ATP10B: variants seen among roughly 807,000 people sequenced by gnomAD.
ATP10B encodes phospholipid-transporting ATPase VB.
Under a neutral mutation model 141.2 loss-of-function variants are expected in ATP10B, and 122 were observed. That is an observed-to-expected ratio of 0.86 (90% confidence interval 0.75 to 1.00). The LOEUF (loss-of-function observed/expected upper bound fraction) is 1.00, where lower values mean the gene tolerates loss of function less well. ATP10B is among the 50% of genes least tolerant of loss of function. ATP10B has a pLI of 0.00. For missense variants in ATP10B, 1,876 were observed against 1,825.3 expected (o/e 1.03, Z -0.51); for synonymous variants, 685 against 692.0 (o/e 0.99, Z 0.16).
chr5:160,634,643 G>A (rs1759220551), intron 11 of ATP10B, 37 bp from the exon 12 acceptor site: 2 of 1,561,010 alleles, frequency 1.3e-6, no homozygotes, highest in Non-Finnish European at 1.7e-6. Flanking sequence ...CAGAAACCAG[G>A]CAGGTTCCCT....
the ATP10B span, among the ~76,000 whole-genome samples, chr5:160,908,288 T>C: frequency 6.6e-6 from 1 of 152,202 alleles, no homozygotes; most frequent in South Asian, 2.1e-4. Flanking sequence ...TTTGTTTTCC[T>C]GCTTTGGATT....
At chr5:160,856,258 G>A (rs750357019), upstream of ATP10B, among the ~76,000 whole-genome samples, 4 of 151,678 alleles carry the variant, frequency 2.6e-5, no homozygotes, top group South Asian at 2.1e-4. Context: ...TATCAACATC[G>A]TGTAGTTTTT....
At chr5:160,700,205 T>C (rs1764596448) in intron 3 of ATP10B, among the ~76,000 whole-genome samples, 1 of 152,108 alleles carries the variant, frequency 6.6e-6, no homozygotes, top group African/African-American at 2.4e-5. Context: ...AGGATCTGGG[T>C]TGGGGATTCA....
chr5:160,670,944 A>G (rs932882725), intron 6 of ATP10B, among the ~76,000 whole-genome samples: 6 of 151,996 alleles, frequency 3.9e-5, no homozygotes, highest in Admixed American at 1.3e-4. Context: ...AGGTGGGTGG[A>G]TCATGAGGTC....
intron 2 of ATP10B, among the ~76,000 whole-genome samples, chr5:160,749,137 C>T (rs1469021768): frequency 6.6e-6 from 1 of 152,156 alleles, no homozygotes; most frequent in Non-Finnish European, 1.5e-5. Context: ...CCGGAGAGAA[C>T]ATAAAGTACT....
At chr5:160,571,695 T>G (rs1754885761) in intron 24 of ATP10B, among the ~76,000 whole-genome samples, 1 of 148,146 alleles carries the variant, frequency 6.8e-6, no homozygotes, top group Admixed American at 6.6e-5. Flanking sequence ...TGTGTGTGTG[T>G]GTTTGTATTT....
At chr5:160,755,863 ATATATATATAT>A (rs1768550163) in intron 2 of ATP10B, among the ~76,000 whole-genome samples, 1 of 123,738 alleles carries the variant, frequency 8.1e-6, no homozygotes. Flanking sequence ...ATATATATAT[ATATATATATAT>A]ATATTATAAT....
chr5:160,673,451 A>G (rs1762841922), intron 6 of ATP10B, among the ~76,000 whole-genome samples: 2 of 152,186 alleles, frequency 1.3e-5, no homozygotes, highest in Non-Finnish European at 2.9e-5. Context: ...TTAGTTATTT[A>G]AAAATATATA....
chr5:160,611,146 G>C (rs1024021463), intron 18 of ATP10B, among the ~76,000 whole-genome samples: 9 of 152,186 alleles, frequency 5.9e-5, no homozygotes, highest in Non-Finnish European at 1.3e-4. Context: ...CAAGGGTGTA[G>C]GCATGGCTGA....
upstream of ATP10B, among the ~76,000 whole-genome samples, chr5:160,853,202 A>T (rs1228239525): frequency 6.6e-6 from 1 of 152,220 alleles, no homozygotes; most frequent in Non-Finnish European, 1.5e-5. Context: ...TAGAATTTTT[A>T]AAAGAGCGAG....
chr5:160,653,699 T>C (rs1248030816), intron 7 of ATP10B, among the ~76,000 whole-genome samples: 1 of 119,828 alleles, frequency 8.3e-6, no homozygotes, highest in Middle Eastern at 0.012. Context: ...CATATATACA[T>C]ATACAATATA....
At chr5:160,638,576 A>G (rs1260365862) in intron 10 of ATP10B, among the ~76,000 whole-genome samples, 6 of 152,012 alleles carry the variant, frequency 3.9e-5, no homozygotes, top group Non-Finnish European at 8.8e-5. Context: ...GTGCTATTAG[A>G]CATACCTGGG....
chr5:160,678,277 T>C (rs1330186381), intron 6 of ATP10B, among the ~76,000 whole-genome samples: 2 of 152,198 alleles, frequency 1.3e-5, no homozygotes, highest in Non-Finnish European at 2.9e-5. Flanking sequence ...ATTCCACCCT[T>C]GTATGTGTAG....
intron 3 of ATP10B, among the ~76,000 whole-genome samples, chr5:160,699,743 AGAAAAG>A (rs1168346881): frequency 1.6e-4 from 24 of 152,146 alleles, no homozygotes; most frequent in Non-Finnish European, 1.5e-5. Context: ...AGAATTAAGG[AGAAAAG>A]GAAAAGGGGG....
intron 1 of ATP10B, among the ~76,000 whole-genome samples, chr5:160,790,598 A>G (rs1004181106): frequency 2.0e-5 from 3 of 152,160 alleles, no homozygotes; most frequent in African/African-American, 7.2e-5. Flanking sequence ...AGGGCTATAT[A>G]TAAGTATCAA....
Position 160,620,689 on chromosome 5 carries a change from C to T in ATP10B, c.2074G>A (p.Glu692Lys). The change falls in exon 15 of 26, where the codon GAG becomes AAG. Residue 692 changes from glutamate to lysine, a missense_variant. Coordinates refer to ENST00000327245, the MANE Select transcript of ATP10B (RefSeq NM_025153.3). Reference protein sequence around the residue: ...SSMWDQGDILESGSGTSLEEA... With the variant: ...SSMWDQGDILKSGSGTSLEEA... ...TCCAAGGAAGTGCCTGACCCAGACT[C>T]CAGGATGTCGCCCTGGTCCCACATG... 1 of 1,614,092 alleles carries T rather than the reference C, an allele frequency of 6.2e-7. No individual in the cohort carries two copies. Among genetic ancestry groups the T allele is most frequent in the Non-Finnish European group, 8.5e-7 (1 of 1,179,958 alleles).
chr5:160,795,744 A>G (rs888640570), intron 1 of ATP10B, among the ~76,000 whole-genome samples: 15 of 152,044 alleles, frequency 9.9e-5, no homozygotes, highest in Admixed American at 9.8e-4. Flanking sequence ...ACGCGACCAC[A>G]GAAACAGAGA....
intron 24 of ATP10B, among the ~76,000 whole-genome samples, chr5:160,586,340 AGT>A (rs367617733): frequency 6.6e-6 from 1 of 152,028 alleles, no homozygotes; most frequent in African/African-American, 2.4e-5. Context: ...AGTATTCTAT[AGT>A]GTGTGTGTGT....
chr5:160,663,460 TA>T (rs1228386859), intron 7 of ATP10B, among the ~76,000 whole-genome samples: 3 of 152,086 alleles, frequency 2.0e-5, no homozygotes, highest in African/African-American at 4.8e-5. Context: ...TATGCAGCCA[TA>T]AAAAATGATG....
Sources: allele counts gnomAD v4.1 joint callset (sites outside exome capture counted in the v4.1 genomes callset), GRCh38; gene constraint gnomAD v4.1.1; transcripts MANE v1.5; gene names NCBI Gene and HGNC (gene_info 2026-07-23, HGNC 2026-07-21).